The following THSD7B variants were observed in gnomAD, a reference collection of about 807,000 sequenced individuals.
The protein encoded by THSD7B is thrombospondin type 1 domain containing 7B.
Under a neutral mutation model 213.6 loss-of-function variants are expected in THSD7B, and 138 were observed. That is an observed-to-expected ratio of 0.65 (90% CI 0.56 to 0.74). THSD7B has a LOEUF of 0.74. Among genes scored for constraint, THSD7B ranks in the 30% least tolerant of loss-of-function variants. The pLI is 0.00. For missense variants in THSD7B, 1,931 were observed against 1,991.5 expected (o/e 0.97, Z 0.58); for synonymous variants, 742 against 687.0 (o/e 1.08, Z -1.25).
chr2:137,167,709 T>G (rs1002718201), intron 6 of THSD7B, among the ~76,000 whole-genome samples: 65 of 152,202 alleles, frequency 4.3e-4, no homozygotes, highest in Admixed American at 3.9e-3. Flanking sequence ...ATTCTTGGAG[T>G]CATAGAAAAA....
intron 9 of THSD7B, among the ~76,000 whole-genome samples, chr2:137,235,672 G>A (rs941498326): frequency 6.6e-6 from 1 of 152,172 alleles, no homozygotes; most frequent in African/African-American, 2.4e-5. Context: ...ACAGAAGTTT[G>A]TAGTTTAAAA....
intron 25 of THSD7B, among the ~76,000 whole-genome samples, chr2:137,662,146 A>C (rs1303462444): frequency 7.3e-6 from 1 of 136,126 alleles, no homozygotes; most frequent in African/African-American, 2.8e-5. Context: ...CACTGCAACC[A>C]CCGCCTCCTG....
chr2:136,883,451 G>C (rs57377301), intron 2 of THSD7B, among the ~76,000 whole-genome samples: 3,195 of 151,742 alleles, frequency 0.021, 59 homozygotes, highest in East Asian at 0.092. Context: ...TTACTGATTT[G>C]CATTTTTTTT....
At chr2:136,977,364 T>C (rs1368880414) in intron 2 of THSD7B, among the ~76,000 whole-genome samples, 1 of 152,180 alleles carries the variant, frequency 6.6e-6, no homozygotes, top group African/African-American at 2.4e-5. Context: ...GTCTATTCTT[T>C]TTTATTAGTC....
intron 2 of THSD7B, among the ~76,000 whole-genome samples, chr2:136,956,601 C>CAA (rs10676991): frequency 1.1e-3 from 134 of 121,600 alleles, no homozygotes; most frequent in South Asian, 6.9e-3. Context: ...GACCCTGTCT[C>CAA]AAAAAAAAAA....
At chr2:137,613,173 T>C (rs779178508) in intron 17 of THSD7B, among the ~76,000 whole-genome samples, 5 of 152,168 alleles carry the variant, frequency 3.3e-5, no homozygotes, top group African/African-American at 2.4e-5. Context: ...TTTTCCACCT[T>C]CATAGTAATT....
At chr2:137,528,425 G>C (rs1258360584) in intron 15 of THSD7B, among the ~76,000 whole-genome samples, 1 of 152,096 alleles carries the variant, frequency 6.6e-6, no homozygotes, top group Non-Finnish European at 1.5e-5. Context: ...TGAGGCGCAT[G>C]TGGGACAATA....
Position 136,818,951 on chromosome 2 carries a change from G to A in THSD7B, c.-36+53264G>A, listed in dbSNP as rs578252954. Among the ~76,000 whole-genome samples the A allele has an allele frequency of 5.3e-5, 8 of 152,190 alleles. No homozygotes were observed. The South Asian group carries it at 1.7e-3, about 32-fold the overall frequency. ...TCCTAGCATCTCAGTGGAGCATTAGGTATTTATGCTCGGGTGAAAGCAGAT... is the reference window on the plus strand; with the variant it reads ...TCCTAGCATCTCAGTGGAGCATTAGATATTTATGCTCGGGTGAAAGCAGAT... On this transcript the variant is annotated intron_variant, in intron 1 of 27. Coordinates refer to ENST00000409968, the MANE Select transcript of THSD7B (RefSeq NM_001316349.2).
intron 1 of THSD7B, among the ~76,000 whole-genome samples, chr2:136,797,400 A>G (rs1682090289): frequency 6.6e-6 from 1 of 152,028 alleles, no homozygotes; most frequent in South Asian, 2.1e-4. Flanking sequence ...AGAAGGCGTA[A>G]GTCTTTCCAT....
Position 136,932,164 on chromosome 2 carries a change from C to A in THSD7B, c.139+49847C>A, listed in dbSNP as rs374190442. Among the ~76,000 whole-genome samples the A allele has an allele frequency of 9.2e-5, 14 of 152,162 alleles. 1 individual carries two copies. In the East Asian group the frequency reaches 1.7e-3, roughly 19 times the overall value. On this transcript the variant is annotated intron_variant, in intron 2 of 27. Coordinates refer to ENST00000409968, the MANE Select transcript of THSD7B (RefSeq NM_001316349.2). ...AATTATTGATAATTTACCTGAAATT[C>A]AAACCTAAACTCAACAGTCAATTTT...
At chr2:137,573,032 TC>T (rs1301426249) in intron 17 of THSD7B, among the ~76,000 whole-genome samples, 6 of 151,910 alleles carry the variant, frequency 3.9e-5, no homozygotes, top group African/African-American at 7.2e-5. Context: ...TTGCCATGTT[TC>T]TACTTCTTCC....
intron 4 of THSD7B, among the ~76,000 whole-genome samples, chr2:137,108,704 T>A (rs1022146125): frequency 3.9e-5 from 6 of 152,204 alleles, no homozygotes; most frequent in Admixed American, 3.9e-4. Flanking sequence ...TTGAGAATGA[T>A]AACATATTAA....
intron 12 of THSD7B, among the ~76,000 whole-genome samples, chr2:137,293,694 C>T (rs1683392523): frequency 6.6e-6 from 1 of 151,996 alleles, no homozygotes. Flanking sequence ...CAATTTTTAA[C>T]CAATTATATA....
intron 3 of THSD7B, among the ~76,000 whole-genome samples, chr2:137,065,670 AT>A (rs900595923): frequency 1.4e-5 from 2 of 145,096 alleles, no homozygotes; most frequent in East Asian, 2.1e-4. Context: ...ATGTTGTTTG[AT>A]TTTTTTCTTC....
At chr2:137,235,664 A>G (rs1681748184) in intron 9 of THSD7B, among the ~76,000 whole-genome samples, 1 of 152,242 alleles carries the variant, frequency 6.6e-6, no homozygotes, top group East Asian at 1.9e-4. Context: ...TCACAGGAAC[A>G]GAAGTTTGTA....
chr2:136,930,241 G>A (rs1187653603), intron 2 of THSD7B, among the ~76,000 whole-genome samples: 1 of 152,158 alleles, frequency 6.6e-6, no homozygotes, highest in Non-Finnish European at 1.5e-5. Flanking sequence ...TATAAAAATA[G>A]GACAGAATTG....
chr2:137,045,299 C>T (rs892855272), intron 2 of THSD7B, among the ~76,000 whole-genome samples: 1 of 152,050 alleles, frequency 6.6e-6, no homozygotes. Flanking sequence ...CACTTTGAGG[C>T]CATTATGAGT....
At chr2:137,290,105 G>C (rs1257038612) in intron 12 of THSD7B, among the ~76,000 whole-genome samples, 1 of 143,074 alleles carries the variant, frequency 7.0e-6, no homozygotes, top group African/African-American at 2.6e-5. Context: ...GCCCCAAAGA[G>C]TTTTCTTTTT....
At chr2:136,919,939 C>T (rs545736666) in intron 2 of THSD7B, among the ~76,000 whole-genome samples, 5 of 152,192 alleles carry the variant, frequency 3.3e-5, no homozygotes, top group Non-Finnish European at 7.3e-5. Flanking sequence ...TCACTGTGGG[C>T]AGCAGGGAAC....
Sources: gnomAD v4.1 joint callset for allele counts (sites outside exome capture counted in the v4.1 genomes callset) on GRCh38, gnomAD v4.1.1 for gene constraint, MANE v1.5 for transcripts, NCBI Gene and HGNC (gene_info 2026-07-23, HGNC 2026-07-21) for gene names.